BORCS8: variants seen among roughly 807,000 people sequenced by gnomAD.
BORCS8 encodes BLOC-1-related complex subunit 8.
BORCS8 carries 13 observed loss-of-function variants against 18.7 expected under a neutral mutation model. That is an observed-to-expected ratio of 0.70 (90% CI 0.45 to 1.11). The LOEUF is 1.11. BORCS8 is among the 50% of genes least tolerant of loss of function. BORCS8 has a pLI of 0.00. For missense variants in BORCS8, 165 were observed against 165.7 expected, an observed-to-expected ratio of 1.00 and a Z score of 0.02; for synonymous variants, 68 against 64.8, an observed-to-expected ratio of 1.05 and a Z score of -0.24.
chr19:19,187,204 C>T (rs982212406), intron 1 of BORCS8, among the ~76,000 whole-genome samples, 199 bp from the exon 2 acceptor site: 8 of 152,076 alleles, frequency 5.3e-5, no homozygotes, highest in Non-Finnish European at 1.0e-4. Flanking sequence ...AGACCGGGTG[C>T]GGTGGCTCAC....
Position 19,182,303 on chromosome 19 carries a change from G to GT in BORCS8, c.326+269dup, listed in dbSNP as rs2060356933. On this transcript the variant is annotated intron_variant, in intron 4 of 5. Coordinates refer to ENST00000462790, the MANE Select transcript of BORCS8 (RefSeq NM_001145784.2). This position sits in a 1 kb window ranked among gnomAD's most constrained non-coding sequence, Gnocchi z 4.1. ...TGTCTGCCATGTTTACCTGGTTGTCGTATGTCTCCTTGTGAGCCTGTCTGT... is the reference window on the plus strand; with the variant it reads ...TGTCTGCCATGTTTACCTGGTTGTCGTTATGTCTCCTTGTGAGCCTGTCTGT... The GT allele has an allele frequency of 1.3e-6, 1 of 753,954 alleles. No individual in the cohort carries two copies. The highest frequency in any genetic ancestry group is 1.8e-5 in the African/African-American group (1 of 56,164). The allele number at this position is 753,954 out of a possible 1,614,324, so 46.7% of individuals were successfully genotyped here.
intron 5 of BORCS8, chr19:19,180,322 C>T: frequency 3.7e-6 from 1 of 271,044 alleles, no homozygotes; most frequent in Non-Finnish European, 7.1e-6. Flanking sequence ...CCGGGCTCTG[C>T]CTGAGAGACT....
intron 5 of BORCS8, chr19:19,180,333 G>A (rs1227285153): frequency 6.3e-6 from 2 of 318,546 alleles, no homozygotes; most frequent in Non-Finnish European, 1.2e-5. Flanking sequence ...CTGAGAGACT[G>A]TGCACGGGTA....
intron 3 of BORCS8, among the ~76,000 whole-genome samples, chr19:19,184,867 TG>T (rs1471652077): frequency 2.6e-5 from 4 of 152,204 alleles, no homozygotes; most frequent in Non-Finnish European, 5.9e-5. Context: ...CCCAAAGCAC[TG>T]GGAGTACAGG....
chr19:19,183,409 C>CAA (rs748324832), intron 3 of BORCS8, among the ~76,000 whole-genome samples: 13,190 of 115,654 alleles, frequency 0.11, 684 homozygotes, highest in South Asian at 0.17. Context: ...GACTCCGTCT[C>CAA]AAAAAAAAAA....
intron 3 of BORCS8, among the ~76,000 whole-genome samples, chr19:19,184,462 T>C (rs2060387007): frequency 6.6e-6 from 1 of 151,856 alleles, no homozygotes; most frequent in Non-Finnish European, 1.5e-5. Flanking sequence ...CCACCACACC[T>C]GGCTAATTTT....
At chr19:19,191,935 G>T in intron 1 of BORCS8, 146 bp downstream of exon 1, 3 of 946,930 alleles carry the variant, frequency 3.2e-6, no homozygotes, top group African/African-American at 1.6e-5. Context: ...CCTTTCTACA[G>T]GTTTCAAAAC....
At chr19:19,191,112 G>T (rs2060467924) in intron 1 of BORCS8, among the ~76,000 whole-genome samples, 1 of 152,046 alleles carries the variant, frequency 6.6e-6, no homozygotes, top group South Asian at 2.1e-4. Context: ...CAGCACTTTG[G>T]GAGGCCAAGG....
intron 5 of BORCS8, chr19:19,177,704 A>AAAAGAAAAGAAAAGAAAAGG (rs2060311942): frequency 1.4e-5 from 1 of 72,378 alleles, no homozygotes; most frequent in African/African-American, 6.1e-5. Flanking sequence ...AAGAGAAAAG[A>AAAAGAAAAGAAAAGAAAAGG]AAAGAAAAGA....
chr19:19,191,956 C>A (rs570687236), intron 1 of BORCS8, 125 bp downstream of exon 1: 13 of 1,159,382 alleles, frequency 1.1e-5, no homozygotes, highest in Middle Eastern at 1.9e-4. Flanking sequence ...TAGTCAGCGG[C>A]AGAGCTGGGA....
chr19:19,191,616 C>A (rs1223946800), intron 1 of BORCS8, among the ~76,000 whole-genome samples: 1 of 152,032 alleles, frequency 6.6e-6, no homozygotes, highest in Non-Finnish European at 1.5e-5. Flanking sequence ...ACTTGTCACC[C>A]AGGCTGGGGG....
In BORCS8 at chr19:19,192,106, C is replaced by G. The variant is rs1467703573; in HGVS notation, c.12G>C (p.Pro4=). MEE[P]EMQLKGKKVT... is the part of the protein sequence containing the mutation. ...CTTTCTTCCCCTTGAGCTGCATCTCCGGCTCCTCCATAGCGACCGCGGCCG... is the reference window on the plus strand; with the variant it reads ...CTTTCTTCCCCTTGAGCTGCATCTCGGGCTCCTCCATAGCGACCGCGGCCG... The change falls in exon 1 of 6, where the codon CCG becomes CCC. Residue 4 remains proline, a synonymous_variant. Transcript: ENST00000462790. The G allele has an allele frequency of 6.4e-7, 1 of 1,551,334 alleles. No homozygotes were observed. The highest frequency in any genetic ancestry group is 8.7e-7 in the Non-Finnish European group (1 of 1,146,896).
chr19:19,184,024 A>T (rs1263684529), intron 3 of BORCS8, among the ~76,000 whole-genome samples: 1 of 151,780 alleles, frequency 6.6e-6, no homozygotes, highest in African/African-American at 2.4e-5. Flanking sequence ...CTGGGATTAC[A>T]GGTGCCCACC....
chr19:19,185,807 C>T (rs956751523), intron 3 of BORCS8, among the ~76,000 whole-genome samples: 2 of 152,232 alleles, frequency 1.3e-5, no homozygotes, highest in Non-Finnish European at 2.9e-5. Flanking sequence ...GAGGCATCTT[C>T]CAGAATCCCT....
rs2060352559 is a variant in BORCS8 at position 19,181,877 on chromosome 19, G to A, written c.326+696C>T. The A allele has an allele frequency of 9.1e-6, 9 of 985,340 alleles. No homozygotes were observed. In the South Asian group the frequency reaches 4.2e-4, roughly 46 times the overall value. 61.0% of individuals were successfully genotyped at this position (985,340 alleles called of 1,614,324 possible). On this transcript the variant is annotated intron_variant, in intron 4 of 5. Transcript: ENST00000462790. ...ACATTCCTGCTCCTGGCACATGAGT[G>A]TGTGTTCATAAGCGTGTTTATTAAC... is the stretch of plus-strand genomic sequence containing the variant.
rs1326229819 is a variant in BORCS8 at position 19,176,927 on chromosome 19, AG to A, written c.*575del. 3 of 152,336 alleles carry A rather than the reference AG, an allele frequency of 2.0e-5. No individual in the cohort carries two copies. In the East Asian group the frequency reaches 5.8e-4, roughly 29 times the overall value. The allele number at this position is 152,336 out of a possible 1,614,324, so 9.4% of individuals were successfully genotyped here. ...GCCATTTTGGCAAAAATCATAATTT[AG>A]GGGTCCATGAAACTGAAGAAATGAA... is the stretch of plus-strand genomic sequence containing the variant. On this transcript the variant is annotated 3_prime_UTR_variant, in exon 6 of 6. Coordinates refer to ENST00000462790, the MANE Select transcript of BORCS8 (RefSeq NM_001145784.2).
intron 5 of BORCS8, chr19:19,179,008 G>C (rs2060326362): frequency 6.6e-6 from 1 of 152,356 alleles, no homozygotes; most frequent in Non-Finnish European, 1.5e-5. Flanking sequence ...TGCGGCATGA[G>C]GCTGGCGGTT....
chr19:19,182,460 C>A lies in BORCS8; in HGVS notation c.326+113G>T, dbSNP rs1478638652. 2 of 1,457,010 alleles carry A rather than the reference C, an allele frequency of 1.4e-6. No homozygotes were observed. Among genetic ancestry groups the A allele is most frequent in the Non-Finnish European group, 1.8e-6 (2 of 1,105,738 alleles). 90.3% of individuals were successfully genotyped at this position (1,457,010 alleles called of 1,614,324 possible). ...AAGAGGAGGTCACCAGACACCAGGA[C>A]AAAAGGAAAGAGACAGTTTTCTAAT... On this transcript the variant is annotated intron_variant, in intron 4 of 5. Transcript: ENST00000462790. The surrounding 1 kb of genome is among the most constrained non-coding windows in gnomAD (Gnocchi z 4.1).
chr19:19,183,214 C>T (rs1451665756), intron 3 of BORCS8, among the ~76,000 whole-genome samples: 1 of 152,128 alleles, frequency 6.6e-6, no homozygotes, highest in Admixed American at 6.5e-5. Flanking sequence ...CAAGACCATG[C>T]TGGCTAACAA....
Sources: allele counts gnomAD v4.1 joint callset (sites outside exome capture counted in the v4.1 genomes callset), GRCh38; gene constraint gnomAD v4.1.1; non-coding constraint Gnocchi (gnomAD v3.1); transcripts MANE v1.5; gene names NCBI Gene and HGNC (gene_info 2026-07-23, HGNC 2026-07-21).